Variants in IL3RA observed in about 807,000 individuals in gnomAD.
IL3RA encodes the protein interleukin-3 receptor subunit alpha.
Under a neutral mutation model 52.3 loss-of-function variants are expected in IL3RA, and 73 were observed. The ratio of observed to expected loss-of-function variants is 1.40; its 90% CI spans 1.16 to 1.70. IL3RA has a LOEUF of 1.70. Ranked by LOEUF, IL3RA falls within the 40% of genes most tolerant of loss-of-function variation. The pLI, the probability that IL3RA is intolerant of heterozygous loss-of-function variation, is 0.00. For synonymous variants in IL3RA, 260 were observed against 194.0 expected (o/e 1.34, Z -2.83); for missense variants, 664 against 504.4 (o/e 1.32, Z -3.03).
intron 2 of IL3RA, 82 bp from the exon 3 acceptor site, chrX:1,345,234 A>C (rs2085688025): frequency 3.8e-6 from 2 of 521,008 alleles, no homozygotes; most frequent in Non-Finnish European, 5.7e-6. Context: ...CTCCACGGGC[A>C]AAAAAAAAAA....
Position 1,378,615 on chromosome X carries a change from C to A in IL3RA, c.875-44C>A, listed in dbSNP as rs754524386. On this transcript the variant is annotated intron_variant, in intron 9 of 11. Transcript: ENST00000331035. ...GAGAGCTTACAGTCCCTGGTCCCCC[C>A]AGGACGGCCCCCGGTCTGTGACCCT... The A allele has an allele frequency of 1.9e-6, 3 of 1,543,832 alleles. No homozygotes were observed. In the South Asian group the frequency reaches 3.4e-5, roughly 18 times the overall value.
Position 1,382,089 on chromosome X carries a change from C to T in IL3RA, c.1063-302C>T, listed in dbSNP as rs758474585. 1.3e-5 allele frequency among the ~76,000 whole-genome samples: 2 copies of T among 151,732 alleles called. 1 individual carries two copies. The highest frequency in any genetic ancestry group is 4.2e-4 in the South Asian group (2 of 4,786). ...GCCTCAGCCTCCCAAGTAGCTGGGA[C>T]TACAGGCATGCACCAACACACCCAG... On this transcript the variant is annotated intron_variant, in intron 11 of 11. Coordinates refer to ENST00000331035, the MANE Select transcript of IL3RA (RefSeq NM_002183.4).
chrX:1,339,769 A>G (rs1407417670), intron 1 of IL3RA, among the ~76,000 whole-genome samples: 2 of 151,976 alleles, frequency 1.3e-5, no homozygotes, highest in African/African-American at 2.4e-5. Context: ...TCCGGCCTGG[A>G]CAACAAGAGT....
At chrX:1,382,297 C>T in intron 11 of IL3RA, 94 bp from the exon 12 acceptor site, 4 of 1,104,698 alleles carry the variant, frequency 3.6e-6, no homozygotes, top group African/African-American at 1.5e-5. Context: ...GCCCACAGAG[C>T]AGATCTGAGA....
chrX:1,354,221 G>A (rs1461753100), intron 6 of IL3RA, among the ~76,000 whole-genome samples: 1 of 152,122 alleles, frequency 6.6e-6, no homozygotes, highest in Non-Finnish European at 1.5e-5. Context: ...GCCCACGCCA[G>A]TCACCTCCCA....
intron 4 of IL3RA, among the ~76,000 whole-genome samples, chrX:1,348,999 C>T (rs2085953090): frequency 6.7e-6 from 1 of 149,482 alleles, no homozygotes; most frequent in African/African-American, 2.5e-5. Flanking sequence ...CCCTCCCCTC[C>T]CTTCCCCTCC....
chrX:1,347,421 G>A (rs1245350826), intron 3 of IL3RA, among the ~76,000 whole-genome samples: 1 of 151,426 alleles, frequency 6.6e-6, no homozygotes. Flanking sequence ...CTCCAGCCTG[G>A]GCGACAGAGC....
intron 8 of IL3RA, among the ~76,000 whole-genome samples, chrX:1,361,280 TG>T (rs1437841378): frequency 6.6e-6 from 1 of 150,812 alleles, no homozygotes; most frequent in Non-Finnish European, 1.5e-5. Context: ...TCTGTCTGTC[TG>T]TCCCCCTGTA....
chrX:1,377,640 G>A (rs2088866724), intron 9 of IL3RA, among the ~76,000 whole-genome samples: 2 of 151,078 alleles, frequency 1.3e-5, no homozygotes, highest in African/African-American at 4.9e-5. Flanking sequence ...ATCGTCATAG[G>A]TTCTGGGGGT....
chrX:1,348,628 T>C (rs1569520655), intron 4 of IL3RA, 83 bp downstream of exon 4: 2 of 860,204 alleles, frequency 2.3e-6, no homozygotes, highest in Middle Eastern at 2.4e-4. Flanking sequence ...CGCTGTGTCT[T>C]TTTTCTTTTC....
At chrX:1,364,633 G>A (rs761178513) in intron 8 of IL3RA, among the ~76,000 whole-genome samples, 1 of 150,744 alleles carries the variant, frequency 6.6e-6, no homozygotes, top group Admixed American at 6.6e-5. Flanking sequence ...ACCACGTCTG[G>A]TAATTTTTAC....
chrX:1,355,211 T>TGGAGGGGGAGGAGGGA, intron 6 of IL3RA, among the ~76,000 whole-genome samples: 1 of 766 alleles, frequency 1.3e-3, no homozygotes, highest in African/African-American at 8.2e-3. Flanking sequence ...GGGAGGAGGG[T>TGGAGGGGGAGGAGGGA]GGAGGGGGAG....
At chrX:1,360,192 G>A (rs1362513384) in intron 8 of IL3RA, among the ~76,000 whole-genome samples, 7 of 104,230 alleles carry the variant, frequency 6.7e-5, no homozygotes, top group Non-Finnish European at 1.2e-4. Flanking sequence ...TCTCTCTCCC[G>A]GTCTCTATTT....
chrX:1,382,175 T>C (rs1180114112), intron 11 of IL3RA, among the ~76,000 whole-genome samples: 2 of 152,172 alleles, frequency 1.3e-5, no homozygotes, highest in Non-Finnish European at 2.9e-5. Flanking sequence ...GGTCTGGATC[T>C]CCTGACCTTA....
chrX:1,361,367 TCA>T (rs1162895893), intron 8 of IL3RA, among the ~76,000 whole-genome samples: 9 of 152,142 alleles, frequency 5.9e-5, no homozygotes, highest in African/African-American at 1.9e-4. Flanking sequence ...GTTCCTGGAC[TCA>T]CAGTTCCATG....
chrX:1,346,857 T>C (rs1478973107), intron 3 of IL3RA, among the ~76,000 whole-genome samples: 1 of 151,172 alleles, frequency 6.6e-6, no homozygotes, highest in African/African-American at 2.5e-5. Context: ...GTTCGTTCAA[T>C]ACAATTCAAA....
Position 1,360,352 on chromosome X carries a change from C to T in IL3RA, c.759+1465C>T, listed in dbSNP as rs1286898079. 2.0e-5 allele frequency among the ~76,000 whole-genome samples: 3 copies of T among 147,996 alleles called. No homozygotes were observed. In the South Asian group the frequency reaches 6.4e-4, roughly 32 times the overall value. ...TCTCTCTCCCTTTCTCCCTCCCTCT[C>T]TTTATCTCTCTCTCTCTCTCTGCCT... On this transcript the variant is annotated intron_variant, in intron 8 of 11. Coordinates refer to ENST00000331035, the MANE Select transcript of IL3RA (RefSeq NM_002183.4).
intron 1 of IL3RA, among the ~76,000 whole-genome samples, chrX:1,339,185 C>T (rs1273100619): frequency 1.3e-5 from 2 of 152,102 alleles, no homozygotes; most frequent in Non-Finnish European, 2.9e-5. Flanking sequence ...GATTTCCCAA[C>T]GTTCTGACTC....
intron 4 of IL3RA, among the ~76,000 whole-genome samples, chrX:1,349,238 C>G (rs1217558407): frequency 3.3e-4 from 50 of 149,980 alleles, no homozygotes; most frequent in South Asian, 6.3e-4. Context: ...CTGGAGTGCA[C>G]TGGCGCGATC....
Sources: gnomAD v4.1 joint callset for allele counts (sites outside exome capture counted in the v4.1 genomes callset) on GRCh38, gnomAD v4.1.1 for gene constraint, MANE v1.5 for transcripts, NCBI Gene and HGNC (gene_info 2026-07-23, HGNC 2026-07-21) for gene names.